POU2F1: variants seen among roughly 807,000 people sequenced by gnomAD.
POU2F1 encodes the protein POU domain, class 2, transcription factor 1.
A neutral mutation model predicts 84.9 loss-of-function variants in POU2F1; 16 were observed. The ratio of observed to expected loss-of-function variants is 0.19; its 90% CI spans 0.13 to 0.29. The LOEUF (loss-of-function observed/expected upper bound fraction) is 0.29. POU2F1 is among the 10% of genes least tolerant of loss of function. POU2F1 has a pLI of 1.00. For missense variants in POU2F1, 738 were observed against 942.6 expected (o/e 0.78, Z 2.84); for synonymous variants, 368 against 368.3 (o/e 1.00, Z 0.01).
chr1:167,346,789 C>G (rs893686284), intron 2 of POU2F1, among the ~76,000 whole-genome samples: 2 of 152,100 alleles, frequency 1.3e-5, no homozygotes, highest in Non-Finnish European at 2.9e-5. Context: ...GTTGGGGACC[C>G]CTGCTATAGA....
intron 1 of POU2F1, among the ~76,000 whole-genome samples, chr1:167,263,905 T>G (rs887024014): frequency 2.6e-5 from 4 of 152,216 alleles, no homozygotes; most frequent in African/African-American, 9.6e-5. Context: ...GAGTAGGTCA[T>G]ATGTGGCAGA....
At chr1:167,334,818 CTA>C (rs905998821) in intron 2 of POU2F1, among the ~76,000 whole-genome samples, 4 of 152,110 alleles carry the variant, frequency 2.6e-5, no homozygotes, top group African/African-American at 9.7e-5. Context: ...TGTTAGTTAA[CTA>C]TTCTTTTTTT....
At chr1:167,414,394 C>T in intron 15 of POU2F1, 1 of 985,362 alleles carries the variant, frequency 1.0e-6, no homozygotes, top group Non-Finnish European at 1.2e-6. Context: ...TCAAGCTGCA[C>T]TGTCTCACTG....
chr1:167,253,142 T>C (rs1170630752), intron 1 of POU2F1, among the ~76,000 whole-genome samples: 1 of 152,232 alleles, frequency 6.6e-6, no homozygotes, highest in African/African-American at 2.4e-5. Flanking sequence ...ATAAACCTAA[T>C]TATCAAGGGA....
intron 4 of POU2F1, among the ~76,000 whole-genome samples, chr1:167,371,256 A>G (rs916865454): frequency 9.2e-5 from 14 of 152,202 alleles, no homozygotes; most frequent in African/African-American, 2.4e-4. Context: ...TTATCTCTCA[A>G]TGACTGGCAG....
At chr1:167,361,596 C>T (rs1659353964) in intron 2 of POU2F1, among the ~76,000 whole-genome samples, 1 of 152,144 alleles carries the variant, frequency 6.6e-6, no homozygotes, top group Non-Finnish European at 1.5e-5. Context: ...AGGATTTTCG[C>T]ATCTATGTTC....
chr1:167,286,298 A>G (rs1011487895), intron 1 of POU2F1, among the ~76,000 whole-genome samples: 11 of 152,148 alleles, frequency 7.2e-5, no homozygotes, highest in African/African-American at 2.4e-4. Flanking sequence ...GTCAAATCAG[A>G]TACCTGTCAG....
At chr1:167,374,608 T>C (rs963115401) in intron 6 of POU2F1, among the ~76,000 whole-genome samples, 7 of 152,230 alleles carry the variant, frequency 4.6e-5, no homozygotes, top group African/African-American at 9.6e-5. Flanking sequence ...ATTAGCTAAT[T>C]ACAGCAGACA....
chr1:167,322,327 A>T (rs1656370156), intron 1 of POU2F1, among the ~76,000 whole-genome samples: 1 of 152,236 alleles, frequency 6.6e-6, no homozygotes, highest in Admixed American at 6.5e-5. Flanking sequence ...AGTAGATATA[A>T]CAATTTGAAT....
At chr1:167,355,889 T>G (rs1400103787) in intron 2 of POU2F1, among the ~76,000 whole-genome samples, 2 of 152,158 alleles carry the variant, frequency 1.3e-5, no homozygotes, top group Non-Finnish European at 2.9e-5. Context: ...ATCTTTTAAG[T>G]GTTTATAAAT....
rs1331551458 is a variant in POU2F1 at position 167,421,032 on chromosome 1, T to C, written c.*5222T>C. 1 of 152,228 alleles carries C rather than the reference T, an allele frequency of 6.6e-6. No individual in the cohort carries two copies. Among genetic ancestry groups the C allele is most frequent in the African/African-American group, 2.4e-5 (1 of 41,450 alleles). 9.4% of individuals were successfully genotyped at this position (152,228 alleles called of 1,614,324 possible). On this transcript the variant is annotated 3_prime_UTR_variant, in exon 16 of 16. Transcript: ENST00000367866. The stretch of plus-strand genomic sequence containing the variant: ...ATTGATGGGTTAATTTGCTCATAAC[T>C]GATATGAGTTTGCTTTTATGTGTGT...
chr1:167,300,674 A>G (rs1209850745), intron 1 of POU2F1, among the ~76,000 whole-genome samples: 1 of 152,190 alleles, frequency 6.6e-6, no homozygotes, highest in African/African-American at 2.4e-5. Flanking sequence ...CACGTTGGCC[A>G]GGATGGTCTC....
intron 1 of POU2F1, among the ~76,000 whole-genome samples, chr1:167,311,554 C>T (rs1655471487): frequency 1.3e-5 from 2 of 151,926 alleles, no homozygotes; most frequent in African/African-American, 4.8e-5. Context: ...AACCGAGATC[C>T]CATAGGTTAT....
intron 1 of POU2F1, among the ~76,000 whole-genome samples, chr1:167,238,961 T>C (rs1649698689): frequency 1.3e-5 from 2 of 152,172 alleles, no homozygotes; most frequent in South Asian, 4.1e-4. Flanking sequence ...AAAGTTTTGT[T>C]CTCTAGGCTC....
intron 1 of POU2F1, among the ~76,000 whole-genome samples, chr1:167,294,327 C>T (rs920365507): frequency 5.9e-5 from 9 of 151,430 alleles, no homozygotes; most frequent in Non-Finnish European, 1.0e-4. Flanking sequence ...CCAGCCTGGG[C>T]GACAGAGTGA....
chr1:167,349,649 T>C (rs1658428230), intron 2 of POU2F1, among the ~76,000 whole-genome samples: 1 of 152,218 alleles, frequency 6.6e-6, no homozygotes, highest in South Asian at 2.1e-4. Flanking sequence ...TGTGGTGTAT[T>C]CATTTTTATA....
At chr1:167,288,109 A>G (rs1273751245) in intron 1 of POU2F1, among the ~76,000 whole-genome samples, 1 of 152,220 alleles carries the variant, frequency 6.6e-6, no homozygotes, top group Non-Finnish European at 1.5e-5. Flanking sequence ...TAAAAGATGT[A>G]CTTAAGAGAG....
chr1:167,391,186 C>T (rs745465621), intron 9 of POU2F1, among the ~76,000 whole-genome samples: 4 of 152,138 alleles, frequency 2.6e-5, no homozygotes, highest in Non-Finnish European at 5.9e-5. Context: ...TCAACCCTCC[C>T]GCCTTGGCCT....
chr1:167,282,410 C>T (rs979777097), intron 1 of POU2F1, among the ~76,000 whole-genome samples: 3 of 152,230 alleles, frequency 2.0e-5, no homozygotes, highest in Non-Finnish European at 4.4e-5. Flanking sequence ...TCCCGAAGTG[C>T]TGGGATTACA....
Sources: gnomAD v4.1 joint callset for allele counts (sites outside exome capture counted in the v4.1 genomes callset) on GRCh38, gnomAD v4.1.1 for gene constraint, MANE v1.5 for transcripts, NCBI Gene and HGNC (gene_info 2026-07-23, HGNC 2026-07-21) for gene names.